IL1RAPL1: variants seen among roughly 807,000 people sequenced by gnomAD.
IL1RAPL1 encodes the protein interleukin 1 receptor accessory protein like 1.
IL1RAPL1 carries 3 observed loss-of-function variants against 48.4 expected under a neutral mutation model. The observed-to-expected ratio is 0.06, with a 90% CI of 0.03 to 0.16. The LOEUF (loss-of-function observed/expected upper bound fraction) is 0.16, where lower values mean the gene tolerates loss of function less well. Ranked by LOEUF, IL1RAPL1 falls within the 10% of genes least tolerant of loss-of-function variation. The probability of loss-of-function intolerance (pLI) is 1.00; values close to 1 mark genes in which losing one functional copy is unlikely to be tolerated. For synonymous variants in IL1RAPL1, 185 were observed against 187.7 expected, an observed-to-expected ratio of 0.99 and a Z score of 0.12; for missense variants, 349 against 530.6, an observed-to-expected ratio of 0.66 and a Z score of 3.36.
intron 1 of IL1RAPL1, among the ~76,000 whole-genome samples, chrX:28,708,769 G>A (rs761017713): frequency 9.0e-6 from 1 of 111,376 alleles, no homozygotes; most frequent in Non-Finnish European, 1.9e-5. Context: ...TCACATGGAG[G>A]TAGAGAATGG....
chrX:29,222,930 G>A (rs1020641345), intron 2 of IL1RAPL1, among the ~76,000 whole-genome samples: 3 of 111,487 alleles, frequency 2.7e-5, no homozygotes, highest in Admixed American at 9.6e-5. Flanking sequence ...TCACAAAACA[G>A]ATAAAATAAA....
At position 28,863,418 on chromosome X, in the gene IL1RAPL1, CT is replaced by C. The variant is rs11395764; in HGVS notation, c.82+74009del. On this transcript the variant is annotated intron_variant, in intron 2 of 10. Transcript: ENST00000378993. ...GCTTGGAATGATTTGGCCTACGGGC[CT>C]TTTTTTTTTTTTTTTCTTGTCAATC... Among the ~76,000 whole-genome samples the C allele has an allele frequency of 2.3e-3, 196 of 85,271 alleles. 1 individual carries two copies. The highest frequency in any genetic ancestry group is 3.5e-3 in the Non-Finnish European group (152 of 43,968). 74.0% of individuals were successfully genotyped at this position (85,271 alleles called of 115,157 possible).
intron 6 of IL1RAPL1, among the ~76,000 whole-genome samples, chrX:29,908,394 A>G (rs1362797196): frequency 1.8e-5 from 2 of 108,505 alleles, no homozygotes; most frequent in Non-Finnish European, 3.8e-5. Context: ...ATATATATAT[A>G]TAAGCAAACT....
chrX:29,547,976 TA>T (rs1921681247), intron 5 of IL1RAPL1, among the ~76,000 whole-genome samples: 1 of 112,521 alleles, frequency 8.9e-6, no homozygotes, highest in African/African-American at 3.2e-5. Flanking sequence ...AATTTCAGGA[TA>T]AAAAATAGAA....
chrX:29,340,328 T>G (rs73631653), intron 3 of IL1RAPL1, among the ~76,000 whole-genome samples: 7,751 of 110,683 alleles, frequency 0.07, 682 homozygotes, highest in African/African-American at 0.24. Flanking sequence ...GCAGGTGTGT[T>G]CCCCATCTCT....
intron 9 of IL1RAPL1, among the ~76,000 whole-genome samples, chrX:29,942,076 G>A (rs1317600271): frequency 8.9e-6 from 1 of 111,984 alleles, no homozygotes; most frequent in Admixed American, 9.5e-5. Flanking sequence ...TGCCATCAGA[G>A]TGTTCCTTTT....
chrX:29,125,264 C>T (rs759517010), intron 2 of IL1RAPL1, among the ~76,000 whole-genome samples: 8 of 112,141 alleles, frequency 7.1e-5, no homozygotes, highest in Non-Finnish European at 1.5e-4. Context: ...TTATATCCAC[C>T]TCCTACCAAA....
intron 2 of IL1RAPL1, among the ~76,000 whole-genome samples, chrX:29,050,531 TG>T (rs761859563): frequency 1.7e-4 from 19 of 112,339 alleles, no homozygotes; most frequent in Non-Finnish European, 3.2e-4. Flanking sequence ...TCATATTTAT[TG>T]GTATCAGATC....
chrX:29,291,183 C>T (rs1001815039), intron 3 of IL1RAPL1, among the ~76,000 whole-genome samples: 2 of 110,854 alleles, frequency 1.8e-5, no homozygotes, highest in African/African-American at 6.6e-5. Context: ...GCTCTTCATC[C>T]AAAACTCTGT....
intron 5 of IL1RAPL1, among the ~76,000 whole-genome samples, chrX:29,607,596 A>T (rs1426991654): frequency 1.8e-5 from 2 of 112,047 alleles, no homozygotes; most frequent in Non-Finnish European, 3.8e-5. Context: ...CAACTTACTC[A>T]GCAAAATTCA....
intron 5 of IL1RAPL1, among the ~76,000 whole-genome samples, chrX:29,607,306 T>C (rs1165959596): frequency 1.8e-5 from 2 of 111,907 alleles, no homozygotes; most frequent in Non-Finnish European, 3.8e-5. Flanking sequence ...AAATGATCCT[T>C]ACAATATACA....
intron 1 of IL1RAPL1, among the ~76,000 whole-genome samples, chrX:28,729,054 A>G (rs1419573979): frequency 8.9e-6 from 1 of 112,150 alleles, no homozygotes; most frequent in Non-Finnish European, 1.9e-5. Context: ...TGCTTATATC[A>G]AACATTTTGC....
chrX:29,217,239 A>G (rs1930886737), intron 2 of IL1RAPL1, among the ~76,000 whole-genome samples: 1 of 112,456 alleles, frequency 8.9e-6, no homozygotes. Flanking sequence ...ATGCTAGTCT[A>G]GACCAAATCA....
At chrX:28,987,986 T>C (rs1184029129) in intron 2 of IL1RAPL1, among the ~76,000 whole-genome samples, 1 of 112,026 alleles carries the variant, frequency 8.9e-6, no homozygotes, top group Admixed American at 9.5e-5. Context: ...AGGCACACAA[T>C]AGCAATCAAT....
At chrX:29,935,862 C>A (rs766601012) in intron 8 of IL1RAPL1, among the ~76,000 whole-genome samples, 1 of 111,408 alleles carries the variant, frequency 9.0e-6, no homozygotes, top group Non-Finnish European at 1.9e-5. Flanking sequence ...TTCCAAATGG[C>A]AAAATATACT....
chrX:29,270,635 T>C (rs1340336432), intron 2 of IL1RAPL1, among the ~76,000 whole-genome samples: 1 of 112,191 alleles, frequency 8.9e-6, no homozygotes, highest in Non-Finnish European at 1.9e-5. Flanking sequence ...TATCTATTTT[T>C]CTATCTTGAT....
At position 29,758,871 on chromosome X, in the gene IL1RAPL1, T is replaced by C. The variant is rs143457096; in HGVS notation, c.778+90367T>C. ...CTGAAGTAGTTACTGTTGGTTATTA[T>C]TGAGAGTGCAAACCACCCATGCTTC... On this transcript the variant is annotated intron_variant, in intron 6 of 10. Coordinates refer to ENST00000378993, the MANE Select transcript of IL1RAPL1 (RefSeq NM_014271.4). Among the ~76,000 whole-genome samples, 761 of 111,355 alleles carry C rather than the reference T, an allele frequency of 6.8e-3. 7 individuals carry two copies. The highest frequency in any genetic ancestry group is 0.023 in the African/African-American group (715 of 30,617).
chrX:29,371,099 A>C (rs1453867636), intron 3 of IL1RAPL1, among the ~76,000 whole-genome samples: 1 of 106,028 alleles, frequency 9.4e-6, no homozygotes, highest in African/African-American at 3.4e-5. Context: ...ATAGATCACT[A>C]GAACTTATTT....
intron 9 of IL1RAPL1, among the ~76,000 whole-genome samples, chrX:29,943,928 A>C (rs748820067): frequency 8.9e-6 from 1 of 112,153 alleles, no homozygotes; most frequent in South Asian, 3.7e-4. Flanking sequence ...TTTTTAAAAA[A>C]TGTTTTAAGT....
Sources: allele counts gnomAD v4.1 joint callset (sites outside exome capture counted in the v4.1 genomes callset), GRCh38; gene constraint gnomAD v4.1.1; transcripts MANE v1.5; gene names NCBI Gene and HGNC (gene_info 2026-07-23, HGNC 2026-07-21).